Variants in HAUS8 observed in about 807,000 individuals in gnomAD.
HAUS8 encodes the protein HAUS augmin-like complex subunit 8.
HAUS8 carries 38 observed loss-of-function variants against 42.9 expected under a neutral mutation model. The observed-to-expected ratio is 0.89, with a 90% CI of 0.68 to 1.16. The LOEUF (loss-of-function observed/expected upper bound fraction) is 1.16. Ranked by LOEUF, HAUS8 falls within the 50% of genes most tolerant of loss-of-function variation. The pLI, the probability that HAUS8 is intolerant of heterozygous loss-of-function variation, is 0.00. For synonymous variants in HAUS8, 199 were observed against 205.8 expected, an observed-to-expected ratio of 0.97 and a Z score of 0.28; for missense variants, 494 against 511.6, an observed-to-expected ratio of 0.97 and a Z score of 0.33.
intron 10 of HAUS8, chr19:17,052,273 A>C (rs1423298305): frequency 6.6e-6 from 1 of 152,008 alleles, no homozygotes; most frequent in Non-Finnish European, 1.5e-5. Flanking sequence ...TGGCCCTTCC[A>C]TGGATTTTTC....
intron 3 of HAUS8, among the ~76,000 whole-genome samples, chr19:17,068,796 T>C (rs966380536): frequency 2.0e-5 from 3 of 151,898 alleles, no homozygotes; most frequent in African/African-American, 7.3e-5. Context: ...AACGATACCA[T>C]GTTTCAATGG....
intron 8 of HAUS8, among the ~76,000 whole-genome samples, chr19:17,057,999 A>C (rs1255261562): frequency 1.3e-5 from 2 of 152,186 alleles, no homozygotes; most frequent in Non-Finnish European, 2.9e-5. Flanking sequence ...CCAACCACCA[A>C]CACCTCAATC....
intron 3 of HAUS8, 24 bp from the exon 4 acceptor site, chr19:17,062,803 C>G (rs369123735): frequency 7.6e-6 from 12 of 1,576,124 alleles, no homozygotes; most frequent in African/African-American, 1.3e-5. Context: ...ACATGACACT[C>G]AGAGGACAAG....
intron 3 of HAUS8, 54 bp from the exon 4 acceptor site, chr19:17,062,833 A>C: frequency 1.6e-5 from 21 of 1,319,750 alleles, no homozygotes; most frequent in Non-Finnish European, 1.9e-5. Context: ...CTTCACAACA[A>C]CGGGCCCTGA....
chr19:17,050,650 C>T (rs1430542843), intron 10 of HAUS8, among the ~76,000 whole-genome samples: 1 of 152,106 alleles, frequency 6.6e-6, no homozygotes, highest in Admixed American at 6.6e-5. Flanking sequence ...AATTCCAGCA[C>T]TTTGGGAGGC....
At chr19:17,073,509 C>G in intron 1 of HAUS8, 174 bp from the exon 2 acceptor site, 1 of 655,382 alleles carries the variant, frequency 1.5e-6, no homozygotes, top group Non-Finnish European at 2.8e-6. Context: ...GAGCAGCCAG[C>G]CCTGGTCACC....
intron 10 of HAUS8, among the ~76,000 whole-genome samples, chr19:17,050,489 G>A (rs1452698873): frequency 6.6e-6 from 1 of 152,114 alleles, no homozygotes; most frequent in Admixed American, 6.5e-5. Flanking sequence ...AGGTAAAGTG[G>A]GATTGAAGTG....
In HAUS8 at chr19:17,049,961, G is replaced by A. The variant is rs151231895; in HGVS notation, c.1145C>T (p.Thr382Met). 3.2e-5 allele frequency: 50 copies of A among 1,585,424 alleles called. No homozygotes were observed. Among genetic ancestry groups the A allele is most frequent in the Non-Finnish European group, 4.1e-5 (48 of 1,166,936 alleles). The change falls in exon 11 of 11, where the codon ACG (threonine) becomes ATG (methionine). Residue 382 changes from threonine (T) to methionine (M), a missense_variant. Thr to Met is a moderately conservative substitution (Grantham distance 81). Coordinates refer to ENST00000253669, the MANE Select transcript of HAUS8 (RefSeq NM_033417.2). ...PGASSAPAQA[T>M]FISPSEDFSS... The stretch of plus-strand genomic sequence containing the variant: ...AAAATCTTCGCTTGGGCTGATGAAC[G>A]TGGCCTGAGCGGGGGCTGACGAGGC...
intron 4 of HAUS8, among the ~76,000 whole-genome samples, chr19:17,060,597 G>A (rs1483531301): frequency 6.6e-6 from 1 of 152,152 alleles, no homozygotes; most frequent in Non-Finnish European, 1.5e-5. Flanking sequence ...TAGTAGAGAT[G>A]AGGTTTCACC....
intron 3 of HAUS8, among the ~76,000 whole-genome samples, chr19:17,066,731 C>G (rs190617653): frequency 9.9e-5 from 15 of 152,128 alleles, no homozygotes; most frequent in African/African-American, 3.6e-4. Context: ...AGTTTTTCTA[C>G]GAGCCAGCAA....
rs915350355 is a variant in HAUS8 at position 17,075,384 on chromosome 19, C to G, written c.29+10G>C. The G allele has an allele frequency of 6.2e-7, 1 of 1,613,950 alleles. No individual in the cohort carries two copies. On this transcript the variant is annotated intron_variant, in intron 1 of 10. Coordinates refer to ENST00000253669, the MANE Select transcript of HAUS8 (RefSeq NM_033417.2). The stretch of plus-strand genomic sequence containing the variant: ...TCTACAAATCCAGACCTGCGGAAGC[C>G]CCAACTCACCCAGCGCCTCGCCCCG...
chr19:17,075,484 G>A, upstream of HAUS8: 7 of 1,591,112 alleles, frequency 4.4e-6, no homozygotes, highest in Non-Finnish European at 6.0e-6. Context: ...CCGCCCCCTT[G>A]CTTGCGGGTC....
chr19:17,069,918 T>G (rs1377870608), intron 2 of HAUS8, among the ~76,000 whole-genome samples: 1 of 151,884 alleles, frequency 6.6e-6, no homozygotes, highest in African/African-American at 2.4e-5. Flanking sequence ...CCCGGCCCTG[T>G]GAATGGACCT....
chr19:17,055,798 A>G, intron 9 of HAUS8, 63 bp downstream of exon 9: 1 of 1,521,596 alleles, frequency 6.6e-7, no homozygotes, highest in Non-Finnish European at 8.8e-7. Flanking sequence ...GGCCCACAGG[A>G]AGCACCCACA....
chr19:17,056,779 CG>C (rs1426828856), intron 8 of HAUS8, among the ~76,000 whole-genome samples: 1 of 151,566 alleles, frequency 6.6e-6, no homozygotes, highest in Non-Finnish European at 1.5e-5. Context: ...TTAGTAGAGA[CG>C]GGGTTTCACC....
Position 17,058,329 on chromosome 19 carries a change from C to T in HAUS8, c.645+220G>A, listed in dbSNP as rs897335935. 3.9e-5 allele frequency among the ~76,000 whole-genome samples: 6 copies of T among 152,368 alleles called. No homozygotes were observed. The East Asian group carries it at 5.8e-4, about 15-fold the overall frequency. The stretch of plus-strand genomic sequence containing the variant: ...TCTCTGCACAAGTGCATAGAAGGTG[C>T]ACACCTCCCTTATTCATTCACACTT... On this transcript the variant is annotated intron_variant, in intron 8 of 10. Transcript: ENST00000253669.
At chr19:17,068,547 A>T (rs2057401612) in intron 3 of HAUS8, among the ~76,000 whole-genome samples, 1 of 152,144 alleles carries the variant, frequency 6.6e-6, no homozygotes, top group South Asian at 2.1e-4. Context: ...CGGGAGCATC[A>T]CTTGAGCTCA....
Position 17,049,736 on chromosome 19 carries a change from TG to T in HAUS8, c.*136del. 1.5e-6 allele frequency: 1 copy of T among 661,770 alleles called. No individual in the cohort carries two copies. The highest frequency in any genetic ancestry group is 2.3e-6 in the Non-Finnish European group (1 of 434,656). 41.0% of individuals were successfully genotyped at this position (661,770 alleles called of 1,614,324 possible). A position where few individuals can be genotyped will look rare whatever the true frequency, so the allele number is the denominator to read the frequency against. ...CTTGAGAAAACACAGGTCTTCCAAC[TG>T]GCCCCTTCATAGAAAATGGAGGCTT... On this transcript the variant is annotated 3_prime_UTR_variant, in exon 11 of 11. Transcript: ENST00000253669.
At chr19:17,050,625 G>A (rs1402801495) in intron 10 of HAUS8, among the ~76,000 whole-genome samples, 1 of 152,184 alleles carries the variant, frequency 6.6e-6, no homozygotes, top group Non-Finnish European at 1.5e-5. Context: ...ACTGGGCGCT[G>A]TGGCTCACAC....
Sources: gnomAD v4.1 joint callset for allele counts (sites outside exome capture counted in the v4.1 genomes callset) on GRCh38, gnomAD v4.1.1 for gene constraint, MANE v1.5 for transcripts, NCBI Gene and HGNC (gene_info 2026-07-23, HGNC 2026-07-21) for gene names.